Variants in NSMCE2 observed in about 807,000 individuals in gnomAD.
NSMCE2 encodes the protein E3 SUMO-protein ligase NSE2.
A neutral mutation model predicts 23.8 loss-of-function variants in NSMCE2; 24 were observed. That is an observed-to-expected ratio of 1.01 (90% CI 0.73 to 1.42). The LOEUF is 1.42. Ranked by LOEUF, NSMCE2 falls within the 40% of genes most tolerant of loss-of-function variation. The pLI, the probability that NSMCE2 is intolerant of heterozygous loss-of-function variation, is 0.00. For missense variants in NSMCE2, 284 were observed against 296.5 expected, an observed-to-expected ratio of 0.96 and a Z score of 0.31; for synonymous variants, 92 against 94.1, an observed-to-expected ratio of 0.98 and a Z score of 0.13.
At chr8:125,110,698 G>A (rs890692027) in intron 3 of NSMCE2, among the ~76,000 whole-genome samples, 10 of 149,124 alleles carry the variant, frequency 6.7e-5, no homozygotes, top group East Asian at 2.0e-4. Flanking sequence ...TTGTGCCAGC[G>A]TCATGGCCTG....
At chr8:125,288,317 AT>A (rs1009294887) in intron 5 of NSMCE2, among the ~76,000 whole-genome samples, 2 of 151,872 alleles carry the variant, frequency 1.3e-5, no homozygotes, top group Admixed American at 6.6e-5. Context: ...CCTCAAGATA[AT>A]TTTTTTCTTC....
intron 5 of NSMCE2, among the ~76,000 whole-genome samples, chr8:125,213,494 C>G (rs1824434140): frequency 3.4e-5 from 1 of 29,572 alleles, no homozygotes; most frequent in Non-Finnish European, 6.3e-5. Context: ...TGTCTCCTCT[C>G]CTCTCCTCTC....
intron 4 of NSMCE2, among the ~76,000 whole-genome samples, chr8:125,181,002 C>T (rs1042717456): frequency 2.0e-5 from 3 of 152,016 alleles, no homozygotes; most frequent in South Asian, 2.1e-4. Context: ...GGTAGAAGTC[C>T]GTCTAAAGTG....
chr8:125,354,589 A>C (rs1813176430), intron 5 of NSMCE2, among the ~76,000 whole-genome samples: 1 of 152,158 alleles, frequency 6.6e-6, no homozygotes, highest in Non-Finnish European at 1.5e-5. Context: ...ACTGCACCTT[A>C]ATGCCCAGTG....
At chr8:125,217,053 C>T (rs1436229630) in intron 5 of NSMCE2, among the ~76,000 whole-genome samples, 1 of 152,184 alleles carries the variant, frequency 6.6e-6, no homozygotes, top group African/African-American at 2.4e-5. Flanking sequence ...AGCACCTATA[C>T]TATATGCCAA....
At chr8:125,239,619 A>G (rs990229786) in intron 5 of NSMCE2, among the ~76,000 whole-genome samples, 2 of 152,036 alleles carry the variant, frequency 1.3e-5, no homozygotes, top group Non-Finnish European at 2.9e-5. Flanking sequence ...AAAAAAAAAA[A>G]AAAAAAAAAA....
intron 5 of NSMCE2, among the ~76,000 whole-genome samples, chr8:125,200,927 A>G (rs979700690): frequency 2.6e-5 from 4 of 152,124 alleles, no homozygotes; most frequent in African/African-American, 4.8e-5. Flanking sequence ...TTGATCTTCA[A>G]TCACTGATAT....
intron 5 of NSMCE2, among the ~76,000 whole-genome samples, chr8:125,242,510 C>G (rs1010807469): frequency 6.6e-6 from 1 of 152,018 alleles, no homozygotes; most frequent in African/African-American, 2.4e-5. Flanking sequence ...AGAAAAGATG[C>G]CATGCAAATG....
rs575289734 is a variant in NSMCE2, at chr8:125,114,508, G to A, written c.157+12021G>A. 1.4e-3 allele frequency among the ~76,000 whole-genome samples: 206 copies of A among 152,312 alleles called. 2 individuals are homozygous for A. Among genetic ancestry groups the A allele is most frequent in the African/African-American group, 4.7e-3 (194 of 41,576 alleles). On this transcript the variant is annotated intron_variant, in intron 3 of 7. Coordinates refer to ENST00000287437, the MANE Select transcript of NSMCE2 (RefSeq NM_173685.4). Reference sequence around the variant, plus strand: ...ATGCCTATACCCCATCCATATCCATGTATACATACATACGTACATATGTAT... The same window carrying A: ...ATGCCTATACCCCATCCATATCCATATATACATACATACGTACATATGTAT...
chr8:125,257,522 CTTTTTTTTTTTTTTTTTTT>C (rs1174718163), intron 5 of NSMCE2, among the ~76,000 whole-genome samples: 18 of 84,624 alleles, frequency 2.1e-4, no homozygotes, highest in African/African-American at 8.9e-4. Flanking sequence ...CCAAATTTCT[CTTTTTTTTTTTTTTTTTTT>C]TTTTTTTTCT....
intron 5 of NSMCE2, among the ~76,000 whole-genome samples, chr8:125,246,605 T>G (rs1037151278): frequency 6.6e-6 from 1 of 152,178 alleles, no homozygotes; most frequent in South Asian, 2.1e-4. Flanking sequence ...CCAGACATAT[T>G]TATCACTCAA....
At chr8:125,233,549 A>T (rs1366181174) in intron 5 of NSMCE2, among the ~76,000 whole-genome samples, 1 of 152,178 alleles carries the variant, frequency 6.6e-6, no homozygotes, top group Non-Finnish European at 1.5e-5. Context: ...GTAATTTTGT[A>T]TGTCTCAATT....
intron 5 of NSMCE2, among the ~76,000 whole-genome samples, chr8:125,253,501 T>C (rs1034621738): frequency 6.6e-6 from 1 of 152,242 alleles, no homozygotes; most frequent in African/African-American, 2.4e-5. Flanking sequence ...TTGTTTTGTT[T>C]TGTTTTGACT....
chr8:125,219,327 CTG>C (rs1216145423), intron 5 of NSMCE2, among the ~76,000 whole-genome samples: 2 of 152,152 alleles, frequency 1.3e-5, no homozygotes, highest in Admixed American at 6.5e-5. Context: ...ACCATAAACA[CTG>C]TGAAGAAGCA....
In NSMCE2 at chr8:125,284,199, A is replaced by G. The variant is rs1827808078; in HGVS notation, c.419-73020A>G. ...GACTCAAGTAAACATTTAGAGAGTAAAAAAAAAAAAGAAAAAAAATTTTAA... is the reference window on the plus strand; with the variant it reads ...GACTCAAGTAAACATTTAGAGAGTAGAAAAAAAAAAGAAAAAAAATTTTAA... On this transcript the variant is annotated intron_variant, in intron 5 of 7. Coordinates refer to ENST00000287437, the MANE Select transcript of NSMCE2 (RefSeq NM_173685.4). Among the ~76,000 whole-genome samples, 5 of 7,478 alleles carry G rather than the reference A, an allele frequency of 6.7e-4. No homozygotes were observed. In the South Asian group the frequency reaches 0.019, roughly 28 times the overall value. 4.9% of individuals were successfully genotyped at this position (7,478 alleles called of 152,430 possible).
At chr8:125,181,279 A>G (rs1822792715) in intron 4 of NSMCE2, among the ~76,000 whole-genome samples, 1 of 152,158 alleles carries the variant, frequency 6.6e-6, no homozygotes, top group African/African-American at 2.4e-5. Flanking sequence ...GTTTTAAAAA[A>G]TGGGTGTGAA....
intron 5 of NSMCE2, among the ~76,000 whole-genome samples, chr8:125,270,297 T>C (rs1268404666): frequency 1.3e-5 from 2 of 152,076 alleles, no homozygotes; most frequent in Non-Finnish European, 2.9e-5. Flanking sequence ...TGAACCTCTG[T>C]CTACTAAAAA....
rs80130052 is a variant in NSMCE2 at position 125,203,572 on chromosome 8, G to A, written c.418+21316G>A. Among the ~76,000 whole-genome samples, 311 of 152,280 alleles carry A rather than the reference G, an allele frequency of 2.0e-3. 9 individuals are homozygous for A. In the East Asian group the frequency reaches 0.05, roughly 24 times the overall value. The stretch of plus-strand genomic sequence containing the variant: ...AGTTTTAAGTTCATAGCAAAATTGA[G>A]CATAAGATACAGAGATTTCCCATAT... On this transcript the variant is annotated intron_variant, in intron 5 of 7. Coordinates refer to ENST00000287437, the MANE Select transcript of NSMCE2 (RefSeq NM_173685.4).
At chr8:125,221,649 C>T (rs971821336) in intron 5 of NSMCE2, among the ~76,000 whole-genome samples, 5 of 152,178 alleles carry the variant, frequency 3.3e-5, no homozygotes, top group Non-Finnish European at 7.3e-5. Context: ...TTTGTATATA[C>T]ATAATGAAAT....
Sources: allele counts gnomAD v4.1 joint callset (sites outside exome capture counted in the v4.1 genomes callset), GRCh38; gene constraint gnomAD v4.1.1; transcripts MANE v1.5; gene names NCBI Gene and HGNC (gene_info 2026-07-23, HGNC 2026-07-21).